PDE4D: variants seen among roughly 807,000 people sequenced by gnomAD.
PDE4D encodes 3',5'-cyclic-AMP phosphodiesterase 4D.
PDE4D carries 24 observed loss-of-function variants against 87.4 expected under a neutral mutation model. That is an observed-to-expected ratio of 0.27 (90% confidence interval 0.20 to 0.39). The LOEUF is 0.39. Among genes scored for constraint, PDE4D ranks in the 10% least tolerant of loss-of-function variants. The pLI is 1.00. For synonymous variants in PDE4D, 384 were observed against 383.2 expected (o/e 1.00, Z -0.02); for missense variants, 714 against 1,041.0 (o/e 0.69, Z 4.32).
At chr5:59,570,277 T>C (rs1419213222) in intron 1 of PDE4D, among the ~76,000 whole-genome samples, 2 of 152,208 alleles carry the variant, frequency 1.3e-5, no homozygotes, top group Non-Finnish European at 2.9e-5. Flanking sequence ...TCTCAGTATT[T>C]AATCTCCTGA....
At chr5:59,529,556 G>A (rs761929579) in intron 1 of PDE4D, among the ~76,000 whole-genome samples, 17 of 152,112 alleles carry the variant, frequency 1.1e-4, no homozygotes, top group Admixed American at 2.0e-4. Flanking sequence ...CTGAACCACA[G>A]GGCACTGGTG....
intron 1 of PDE4D, among the ~76,000 whole-genome samples, chr5:59,786,892 G>T (rs146691505): frequency 6.6e-6 from 1 of 151,904 alleles, no homozygotes; most frequent in African/African-American, 2.4e-5. Flanking sequence ...TAAAGATTTC[G>T]CCAGGAGAAA....
chr5:60,284,497 A>C (rs1339927242), intron 1 of PDE4D, among the ~76,000 whole-genome samples: 1 of 152,144 alleles, frequency 6.6e-6, no homozygotes, highest in African/African-American at 2.4e-5. Context: ...TTCAGATACA[A>C]ATGCATTATA....
intron 2 of PDE4D, among the ~76,000 whole-genome samples, chr5:60,048,581 C>G (rs965256196): frequency 3.3e-5 from 5 of 151,908 alleles, no homozygotes; most frequent in Non-Finnish European, 5.9e-5. Context: ...AATCTCTCAG[C>G]ATTTGCTTGT....
chr5:60,086,085 C>T (rs13162028), intron 2 of PDE4D, among the ~76,000 whole-genome samples: 73,972 of 151,964 alleles, frequency 0.49, 18,453 homozygotes, highest in East Asian at 0.83. Flanking sequence ...ACCTTTATTA[C>T]GATAGCCAAA....
chr5:59,532,809 T>C (rs1814478803), intron 1 of PDE4D, among the ~76,000 whole-genome samples: 1 of 152,114 alleles, frequency 6.6e-6, no homozygotes, highest in African/African-American at 2.4e-5. Flanking sequence ...AAACATACCA[T>C]TCCTCAGGGT....
At chr5:59,426,539 G>A (rs1439305720) in intron 1 of PDE4D, among the ~76,000 whole-genome samples, 1 of 152,040 alleles carries the variant, frequency 6.6e-6, no homozygotes, top group African/African-American at 2.4e-5. Flanking sequence ...GAAAGAGGGA[G>A]CACAGAGCAG....
chr5:59,051,239 G>A (rs1362934787), intron 5 of PDE4D, among the ~76,000 whole-genome samples: 1 of 152,226 alleles, frequency 6.6e-6, no homozygotes, highest in African/African-American at 2.4e-5. Flanking sequence ...AGGTGTGTGT[G>A]GCACATGTCT....
chr5:59,629,344 G>A (rs1445669928), intron 1 of PDE4D, among the ~76,000 whole-genome samples: 1 of 152,246 alleles, frequency 6.6e-6, no homozygotes, highest in East Asian at 1.9e-4. Context: ...TCATATAGGA[G>A]TAAGATGCAC....
chr5:59,730,646 A>G (rs777694839), intron 1 of PDE4D, among the ~76,000 whole-genome samples: 14 of 152,092 alleles, frequency 9.2e-5, no homozygotes, highest in Admixed American at 2.6e-4. Flanking sequence ...TAGTCACAAA[A>G]TGTGTCCATT....
intron 1 of PDE4D, among the ~76,000 whole-genome samples, chr5:59,762,882 TATATATATATAG>T (rs1396988271): frequency 7.3e-5 from 10 of 137,232 alleles, no homozygotes; most frequent in Middle Eastern, 4.4e-3. Context: ...TATATATATA[TATATATATATAG>T]CTTGCTCTTT....
intron 1 of PDE4D, among the ~76,000 whole-genome samples, chr5:59,557,998 T>C (rs1819260248): frequency 6.6e-6 from 1 of 152,210 alleles, no homozygotes; most frequent in Admixed American, 6.5e-5. Flanking sequence ...TTGGTGGCTC[T>C]AGAGGGCATA....
At chr5:59,570,934 A>G (rs1032840728) in intron 1 of PDE4D, among the ~76,000 whole-genome samples, 3 of 152,220 alleles carry the variant, frequency 2.0e-5, no homozygotes, top group Non-Finnish European at 4.4e-5. Flanking sequence ...GAAATACATT[A>G]AATATCTAAT....
intron 1 of PDE4D, among the ~76,000 whole-genome samples, chr5:59,857,114 A>G (rs1275707262): frequency 6.6e-6 from 1 of 152,192 alleles, no homozygotes; most frequent in Non-Finnish European, 1.5e-5. Flanking sequence ...GCAAGTGTGC[A>G]AAGTCAGCAA....
At chr5:60,148,957 G>A (rs926942363) in intron 2 of PDE4D, among the ~76,000 whole-genome samples, 49 of 152,120 alleles carry the variant, frequency 3.2e-4, no homozygotes, top group Admixed American at 2.8e-3. Context: ...GCAAAGTAAA[G>A]GGAGATGGAG....
At position 59,554,710 on chromosome 5, in the gene PDE4D, A is replaced by G. The variant is rs551064612; in HGVS notation, c.455+338458T>C. Among the ~76,000 whole-genome samples the G allele has an allele frequency of 3.4e-4, 52 of 152,312 alleles. 1 individual carries two copies. The highest frequency in any genetic ancestry group is 1.2e-3 in the African/African-American group (50 of 41,570). Reference sequence around the variant, plus strand: ...AACTGAATGGAAAGTTAACCATGAAACGACTGGAGGAATCTCAGTCAGAAC... The same window carrying G: ...AACTGAATGGAAAGTTAACCATGAAGCGACTGGAGGAATCTCAGTCAGAAC... On this transcript the variant is annotated intron_variant, in intron 1 of 14. Coordinates refer to ENST00000340635, the MANE Select transcript of PDE4D (RefSeq NM_001104631.2).
intron 1 of PDE4D, among the ~76,000 whole-genome samples, chr5:59,610,487 AC>A (rs1317640711): frequency 6.6e-6 from 1 of 152,176 alleles, no homozygotes; most frequent in Non-Finnish European, 1.5e-5. Context: ...AATCCTCTTC[AC>A]CAGGATCTTA....
intron 1 of PDE4D, among the ~76,000 whole-genome samples, chr5:60,287,720 C>T (rs1224823536): frequency 6.6e-6 from 1 of 152,114 alleles, no homozygotes; most frequent in Non-Finnish European, 1.5e-5. Context: ...TTATACTTTC[C>T]CTGCTTTCTC....
chr5:60,181,518 A>G (rs976230758), intron 2 of PDE4D, among the ~76,000 whole-genome samples: 1 of 152,218 alleles, frequency 6.6e-6, no homozygotes, highest in African/African-American at 2.4e-5. Context: ...CAATTCTATC[A>G]AAAAAGAACA....
Sources: gnomAD v4.1 joint callset for allele counts (sites outside exome capture counted in the v4.1 genomes callset) on GRCh38, gnomAD v4.1.1 for gene constraint, MANE v1.5 for transcripts, NCBI Gene and HGNC (gene_info 2026-07-23, HGNC 2026-07-21) for gene names.